Variants in GALNT2 observed in about 807,000 individuals in gnomAD.
GALNT2 encodes the protein polypeptide N-acetylgalactosaminyltransferase 2.
In GALNT2, 31 loss-of-function variants were observed where a neutral mutation model predicts 81.4. The ratio of observed to expected loss-of-function variants is 0.38; its 90% CI spans 0.29 to 0.51. The LOEUF is 0.51. Among genes scored for constraint, GALNT2 ranks in the 20% least tolerant of loss-of-function variants. The pLI is 0.87. For missense variants in GALNT2, 629 were observed against 765.7 expected (o/e 0.82, Z 2.11); for synonymous variants, 303 against 287.4 (o/e 1.05, Z -0.55).
intron 11 of GALNT2, among the ~76,000 whole-genome samples, chr1:230,260,148 G>A (rs1182911465): frequency 6.6e-6 from 1 of 152,188 alleles, no homozygotes; most frequent in Non-Finnish European, 1.5e-5. Context: ...GGACATTTTG[G>A]ATTAGGGATG....
In GALNT2 at chr1:230,150,252, C is replaced by T. The variant is rs188068161; in HGVS notation, c.127-27966C>T. Among the ~76,000 whole-genome samples, 997 of 152,296 alleles carry T rather than the reference C, an allele frequency of 6.5e-3. 7 individuals are homozygous for T. The highest frequency in any genetic ancestry group is 8.9e-3 in the Non-Finnish European group (608 of 68,022). ...TCCGTGTGCTGCCGTTTTTCTGTAC[C>T]GAAGCTTCCCTCTTTACCTCACCAT... On this transcript the variant is annotated intron_variant, in intron 1 of 15. Transcript: ENST00000366672.
chr1:230,199,245 C>A (rs1327240290), intron 2 of GALNT2, among the ~76,000 whole-genome samples: 3 of 151,990 alleles, frequency 2.0e-5, no homozygotes, highest in Non-Finnish European at 4.4e-5. Flanking sequence ...TGACTCATAC[C>A]CTACTCTGTG....
At chr1:230,248,567 A>T (rs1187681453) in intron 8 of GALNT2, among the ~76,000 whole-genome samples, 1 of 152,192 alleles carries the variant, frequency 6.6e-6, no homozygotes, top group Admixed American at 6.5e-5. Flanking sequence ...GGGTCTGTGG[A>T]TTCCAAAAAT....
intron 3 of GALNT2, among the ~76,000 whole-genome samples, chr1:230,217,338 T>G (rs1366695927): frequency 6.6e-6 from 1 of 152,110 alleles, no homozygotes; most frequent in Non-Finnish European, 1.5e-5. Context: ...TTTGAATAAC[T>G]GGGAAGAGAG....
chr1:230,092,176 G>GTTTTTTTTTGTTTTTTTTTTTTGTTTT (rs762299242), intron 1 of GALNT2: 2 of 42,262 alleles, frequency 4.7e-5, no homozygotes, highest in African/African-American at 1.1e-4. Flanking sequence ...TATTCCTTTA[G>GTTTTTTTTTGTTTTTTTTTTTTGTTTT]TTTTTTTTTT....
chr1:230,170,167 T>G (rs1478955020), intron 1 of GALNT2, among the ~76,000 whole-genome samples: 2 of 152,232 alleles, frequency 1.3e-5, no homozygotes, highest in Non-Finnish European at 2.9e-5. Flanking sequence ...TTTTGGGAGC[T>G]GTTGGGCTGG....
intron 1 of GALNT2, among the ~76,000 whole-genome samples, chr1:230,120,975 G>T (rs919757102): frequency 2.6e-5 from 4 of 152,210 alleles, no homozygotes; most frequent in African/African-American, 9.7e-5. Context: ...TGTGGTTTAG[G>T]ACTCCTAATC....
chr1:230,081,253 G>T (rs937067647), intron 1 of GALNT2, among the ~76,000 whole-genome samples: 4 of 152,282 alleles, frequency 2.6e-5, no homozygotes, highest in Non-Finnish European at 4.4e-5. Context: ...CCCCCAGCTG[G>T]TGTGAGGACC....
intron 14 of GALNT2, among the ~76,000 whole-genome samples, chr1:230,269,145 T>C (rs1330925145): frequency 1.4e-5 from 2 of 146,436 alleles, no homozygotes; most frequent in African/African-American, 5.2e-5. Flanking sequence ...ATTTTTTTTT[T>C]CTTTTTTTTT....
intron 3 of GALNT2, among the ~76,000 whole-genome samples, chr1:230,230,557 TCCCTTAGAG>T (rs1664838734): frequency 6.6e-6 from 1 of 152,042 alleles, no homozygotes; most frequent in Non-Finnish European, 1.5e-5. Context: ...AACACACAAC[TCCCTTAGAG>T]GGACTCCACT....
chr1:230,139,767 T>A (rs1661670083), intron 1 of GALNT2, among the ~76,000 whole-genome samples: 1 of 152,262 alleles, frequency 6.6e-6, no homozygotes, highest in Non-Finnish European at 1.5e-5. Context: ...TGAACTGGTG[T>A]ATTAAAGGAA....
chr1:230,236,767 G>C (rs1665047012), intron 6 of GALNT2, 42 bp downstream of exon 6: 1 of 1,565,220 alleles, frequency 6.4e-7, no homozygotes, highest in Non-Finnish European at 8.7e-7. Flanking sequence ...GTTGAATTCT[G>C]ACTTTTCCTG....
chr1:230,240,849 A>G lies in GALNT2; in HGVS notation c.608-2457A>G, dbSNP rs1270747656. Among the ~76,000 whole-genome samples the G allele has an allele frequency of 3.3e-5, 5 of 152,192 alleles. No individual in the cohort carries two copies. The East Asian group carries it at 7.7e-4, about 23-fold the overall frequency. On this transcript the variant is annotated intron_variant, in intron 6 of 15. Coordinates refer to ENST00000366672, the MANE Select transcript of GALNT2 (RefSeq NM_004481.5). Reference sequence around the variant, plus strand: ...ACTCATTCTTGAACTTCAGTTGCACATATGTTATACCACTTGTTATTGTCC... The same window carrying G: ...ACTCATTCTTGAACTTCAGTTGCACGTATGTTATACCACTTGTTATTGTCC...
At chr1:230,276,318 T>C (rs1666307870) in intron 15 of GALNT2, among the ~76,000 whole-genome samples, 1 of 152,044 alleles carries the variant, frequency 6.6e-6, no homozygotes, top group South Asian at 2.1e-4. Flanking sequence ...GTGTCAGGAA[T>C]AGAAATGCAA....
intron 3 of GALNT2, 47 bp from the exon 4 acceptor site, chr1:230,235,967 C>G: frequency 6.4e-7 from 1 of 1,572,260 alleles, no homozygotes; most frequent in South Asian, 1.1e-5. Flanking sequence ...CAAGCTGTGG[C>G]TGCTCTGGGG....
chr1:230,252,260 G>A (rs1405412026), intron 10 of GALNT2, among the ~76,000 whole-genome samples: 3 of 152,216 alleles, frequency 2.0e-5, no homozygotes, highest in Non-Finnish European at 4.4e-5. Context: ...TGGGAGAGGT[G>A]TATGGTGCAG....
At chr1:230,114,610 G>A (rs560548302) in intron 1 of GALNT2, among the ~76,000 whole-genome samples, 2 of 152,192 alleles carry the variant, frequency 1.3e-5, no homozygotes, top group South Asian at 2.1e-4. Flanking sequence ...CCTTGACCTC[G>A]TAAGTCCTGG....
chr1:230,095,381 G>A (rs1178453588), intron 1 of GALNT2, among the ~76,000 whole-genome samples: 1 of 152,170 alleles, frequency 6.6e-6, no homozygotes, highest in South Asian at 2.1e-4. Flanking sequence ...TACAGATGAA[G>A]CTGTCAGGGA....
intron 1 of GALNT2, among the ~76,000 whole-genome samples, chr1:230,149,055 A>AT (rs1185805003): frequency 6.6e-6 from 1 of 151,476 alleles, no homozygotes; most frequent in African/African-American, 2.4e-5. Context: ...TAATTTTTGC[A>AT]TTTTTTGTAG....
Sources: allele counts gnomAD v4.1 joint callset (sites outside exome capture counted in the v4.1 genomes callset), GRCh38; gene constraint gnomAD v4.1.1; transcripts MANE v1.5; gene names NCBI Gene and HGNC (gene_info 2026-07-23, HGNC 2026-07-21).